The following NUDT7 variants were observed in gnomAD, a reference collection of about 807,000 sequenced individuals.
NUDT7 encodes the protein nudix hydrolase 7.
NUDT7 carries 19 observed loss-of-function variants against 13.1 expected under a neutral mutation model. The observed-to-expected ratio is 1.45, with a 90% CI of 1.01 to 2.13. The LOEUF is 2.13. NUDT7 is among the 30% of genes most tolerant of loss of function. The pLI is 0.00. For missense variants in NUDT7, 360 were observed against 291.7 expected, an observed-to-expected ratio of 1.23 and a Z score of -1.71; for synonymous variants, 132 against 109.7, an observed-to-expected ratio of 1.20 and a Z score of -1.27.
intron 2 of NUDT7, among the ~76,000 whole-genome samples, chr16:77,728,867 T>G (rs2014225143): frequency 6.6e-6 from 1 of 152,030 alleles, no homozygotes; most frequent in South Asian, 2.1e-4. Context: ...TTTCAGGAAT[T>G]AGCTGCTCTG....
At position 77,722,590 on chromosome 16, in the gene NUDT7, G is replaced by A. The variant is rs777425785; in HGVS notation, c.8G>A (p.Arg3Gln). The stretch of plus-strand genomic sequence containing the variant: ...CAAACATTCCCCAGGGCAATGTCAC[G>A]ACTTGGTCTTCCCGAGGAGCCAGTC... MS[R>Q]LGLPEEPVRN... Residue 3 changes from arginine (R) to glutamine (Q), a missense_variant, in exon 1 of 4, where the codon CGA (arginine) becomes CAA (glutamine). Transcript: ENST00000268533. 3 of 1,593,034 alleles carry A rather than the reference G, an allele frequency of 1.9e-6. No homozygotes were observed. In the South Asian group the frequency reaches 3.4e-5, roughly 18 times the overall value.
In NUDT7 at chr16:77,741,638, G is replaced by T; in HGVS notation, c.405G>T (p.Gln135His). 1.2e-6 allele frequency: 2 copies of T among 1,613,800 alleles called. No homozygotes were observed. Among genetic ancestry groups the T allele is most frequent in the Non-Finnish European group, 1.7e-6 (2 of 1,179,992 alleles). The change falls in exon 4 of 4, where the codon CAG (glutamine) becomes CAT (histidine). Residue 135 changes from glutamine to histidine, a missense_variant. By Grantham distance (24) the Gln-to-His change is conservative. Coordinates refer to ENST00000268533, the MANE Select transcript of NUDT7 (RefSeq NM_001105663.3). ...TAATAGACCACAACTTCCAGGCCCA[G>T]CCGAATCCTGCTGAAGTTAAGGATG... Reference protein sequence around the residue: ...VGLIDHNFQAQPNPAEVKDVF... With the variant: ...VGLIDHNFQAHPNPAEVKDVF...
At chr16:77,733,304 G>T (rs967350628) in intron 2 of NUDT7, among the ~76,000 whole-genome samples, 1 of 152,206 alleles carries the variant, frequency 6.6e-6, no homozygotes, top group Non-Finnish European at 1.5e-5. Context: ...CAAGCTGCCA[G>T]AAGATTTGGA....
intron 1 of NUDT7, among the ~76,000 whole-genome samples, chr16:77,725,137 T>C (rs996108252): frequency 2.0e-5 from 3 of 152,244 alleles, no homozygotes; most frequent in African/African-American, 7.2e-5. Flanking sequence ...AATATAATTA[T>C]GGGTTTCAAA....
In NUDT7 at chr16:77,722,633, G is replaced by C; in HGVS notation, c.35+16G>C. ...AGCCAGTCAGGTAAAGGCTTTCCGG[G>C]CCCTGGCACCCCGAGCTTGGTCAGG... On this transcript the variant is annotated intron_variant, in intron 1 of 3. Coordinates refer to ENST00000268533, the MANE Select transcript of NUDT7 (RefSeq NM_001105663.3). The C allele has an allele frequency of 3.8e-6, 6 of 1,587,230 alleles. No homozygotes were observed. The highest frequency in any genetic ancestry group is 5.1e-6 in the Non-Finnish European group (6 of 1,166,024).
chr16:77,738,094 A>G (rs1463581366), intron 3 of NUDT7, among the ~76,000 whole-genome samples: 5 of 152,146 alleles, frequency 3.3e-5, no homozygotes, highest in Non-Finnish European at 7.3e-5. Flanking sequence ...TACACACGAA[A>G]TGTGTCAATT....
rs892318072 is a variant in NUDT7 at position 77,741,651 on chromosome 16, G to GAAGTT, written c.422_426dup (p.Asp143LeufsTer51). ...CTTCCAGGCCCAGCCGAATCCTGCT[G>GAAGTT]AAGTTAAGGATGTATTCCTGGTGCC... is the stretch of plus-strand genomic sequence containing the variant. On this transcript the variant is annotated frameshift_variant, in exon 4 of 4. Coordinates refer to ENST00000268533, the MANE Select transcript of NUDT7 (RefSeq NM_001105663.3). LOFTEE classifies it low-confidence loss of function (END_TRUNC). 3.1e-6 allele frequency: 5 copies of GAAGTT among 1,614,058 alleles called. No individual in the cohort carries two copies. Among genetic ancestry groups the GAAGTT allele is most frequent in the Non-Finnish European group, 4.2e-6 (5 of 1,180,004 alleles).
intron 2 of NUDT7, chr16:77,735,599 AT>A (rs2014454174): frequency 3.4e-6 from 2 of 583,940 alleles, no homozygotes; most frequent in Non-Finnish European, 6.1e-6. Flanking sequence ...AGTGTGTGGT[AT>A]CTTTTGGGGA....
At chr16:77,733,527 G>A (rs1224289688) in intron 2 of NUDT7, among the ~76,000 whole-genome samples, 1 of 152,212 alleles carries the variant, frequency 6.6e-6, no homozygotes, top group South Asian at 2.1e-4. Flanking sequence ...ATTCATGGGA[G>A]AATAAACATT....
rs528673952 is a variant in NUDT7, at chr16:77,741,846, GA to G, written c.621del (p.Lys207AsnfsTer14). The part of the protein sequence containing the change: ...LAVLVAFIIL[E>X]KKPTFEVQFN... Reference sequence around the variant, plus strand: ...AGTGTTGGTGGCCTTTATCATTTTGGAAAAAAAACCCACCTTTGAGGTTCAA... The same window carrying G: ...AGTGTTGGTGGCCTTTATCATTTTGGAAAAAAACCCACCTTTGAGGTTCAA... On this transcript the variant is annotated frameshift_variant, in exon 4 of 4. Coordinates refer to ENST00000268533, the MANE Select transcript of NUDT7 (RefSeq NM_001105663.3). LOFTEE classifies it low-confidence loss of function (END_TRUNC). The G allele has an allele frequency of 2.9e-5, 47 of 1,613,076 alleles. No homozygotes were observed. The highest frequency in any genetic ancestry group is 1.3e-4 in the Admixed American group (8 of 59,816).
intron 2 of NUDT7, 50 bp downstream of exon 2, chr16:77,725,634 C>A: frequency 6.4e-7 from 1 of 1,559,206 alleles, no homozygotes; most frequent in Non-Finnish European, 8.7e-7. Flanking sequence ...CATCAGAAGA[C>A]CTCACGAGAT....
In NUDT7 at chr16:77,732,789, C is replaced by T. The variant is rs180753960; in HGVS notation, c.190-3039C>T. On this transcript the variant is annotated intron_variant, in intron 2 of 3. Coordinates refer to ENST00000268533, the MANE Select transcript of NUDT7 (RefSeq NM_001105663.3). ...AACGTGTCCCTGTTGTTGAGTAACA[C>T]GTGACTGTACATTTAAAACAGGCAT... Among the ~76,000 whole-genome samples, 32 of 152,166 alleles carry T rather than the reference C, an allele frequency of 2.1e-4. No homozygotes were observed. In the East Asian group the frequency reaches 4.5e-3, roughly 21 times the overall value.
At chr16:77,731,871 GA>G (rs1184594388) in intron 2 of NUDT7, among the ~76,000 whole-genome samples, 1 of 151,962 alleles carries the variant, frequency 6.6e-6, no homozygotes, top group East Asian at 1.9e-4. Context: ...CTTAAAAATA[GA>G]AAAAAGCTTC....
chr16:77,737,706 C>T (rs1703154167), intron 3 of NUDT7, among the ~76,000 whole-genome samples: 1 of 152,054 alleles, frequency 6.6e-6, no homozygotes, highest in South Asian at 2.1e-4. Context: ...AGGATGGTCT[C>T]GATCTCCTGA....
In NUDT7 at chr16:77,733,931, G is replaced by T. The variant is rs538694749; in HGVS notation, c.190-1897G>T. Among the ~76,000 whole-genome samples the T allele has an allele frequency of 1.1e-3, 163 of 152,264 alleles. 3 individuals are homozygous for T. Among genetic ancestry groups the T allele is most frequent in the East Asian group, 1.4e-3 (7 of 5,166 alleles). On this transcript the variant is annotated intron_variant, in intron 2 of 3. Coordinates refer to ENST00000268533, the MANE Select transcript of NUDT7 (RefSeq NM_001105663.3). ...GAAGAGAGAACAGTGGAGGGTTTGTGCCTCTCCACTTCTGCCCAAGATATG... is the reference window on the plus strand; with the variant it reads ...GAAGAGAGAACAGTGGAGGGTTTGTTCCTCTCCACTTCTGCCCAAGATATG...
intron 2 of NUDT7, among the ~76,000 whole-genome samples, chr16:77,730,012 C>G (rs1051814893): frequency 6.6e-6 from 1 of 151,388 alleles, no homozygotes; most frequent in African/African-American, 2.4e-5. Context: ...AACACATATA[C>G]TACCTCATAT....
At chr16:77,724,150 AGTTTCTGGTG>A (rs1318487640) in intron 1 of NUDT7, among the ~76,000 whole-genome samples, 1 of 152,074 alleles carries the variant, frequency 6.6e-6, no homozygotes, top group East Asian at 1.9e-4. Flanking sequence ...TGCCTCTTCC[AGTTTCTGGTG>A]GTTTCTGGCA....
intron 2 of NUDT7, among the ~76,000 whole-genome samples, chr16:77,731,054 T>G (rs1441259343): frequency 6.6e-6 from 1 of 152,208 alleles, no homozygotes; most frequent in Non-Finnish European, 1.5e-5. Flanking sequence ...GTTGAGTGTT[T>G]CCTTAGCTGT....
In NUDT7 at chr16:77,735,859, C is replaced by T; in HGVS notation, c.221C>T (p.Pro74Leu). Reference sequence around the variant, plus strand: ...AGGGCCCCTGGAGAAGTTTGCTTCCCTGGAGGTAAGCGTGACCCTACAGAC... The same window carrying T: ...AGGGCCCCTGGAGAAGTTTGCTTCCTTGGAGGTAAGCGTGACCCTACAGAC... ...LRRAPGEVCFPGGKRDPTDMD... is the reference protein window; with the variant it reads ...LRRAPGEVCFLGGKRDPTDMD... The change falls in exon 3 of 4, where the codon CCT becomes CTT. Residue 74 changes from proline (P) to leucine (L), a missense_variant. Pro to Leu is a moderately conservative substitution (Grantham distance 98). Transcript: ENST00000268533. The T allele has an allele frequency of 1.9e-6, 3 of 1,613,974 alleles. No homozygotes were observed. The highest frequency in any genetic ancestry group is 2.5e-6 in the Non-Finnish European group (3 of 1,179,926).
Sources: allele counts gnomAD v4.1 joint callset (sites outside exome capture counted in the v4.1 genomes callset), GRCh38; gene constraint gnomAD v4.1.1; transcripts MANE v1.5; gene names NCBI Gene and HGNC (gene_info 2026-07-23, HGNC 2026-07-21).